LTBP1: variants seen among roughly 807,000 people sequenced by gnomAD.
The protein encoded by LTBP1 is latent-transforming growth factor beta-binding protein 1.
Under a neutral mutation model 207.6 loss-of-function variants are expected in LTBP1, and 129 were observed. The observed-to-expected ratio is 0.62, with a 90% confidence interval of 0.54 to 0.72. The LOEUF is 0.72. LTBP1 is among the 30% of genes least tolerant of loss of function. LTBP1 has a pLI of 0.00. For missense variants in LTBP1, 2,281 were observed against 2,217.2 expected, an observed-to-expected ratio of 1.03 and a Z score of -0.58; for synonymous variants, 963 against 833.7, an observed-to-expected ratio of 1.16 and a Z score of -2.67.
intron 2 of LTBP1, among the ~76,000 whole-genome samples, chr2:32,962,424 G>A (rs947660253): frequency 2.0e-5 from 3 of 152,206 alleles, no homozygotes; most frequent in Admixed American, 6.5e-5. Flanking sequence ...ATTAAAGGTA[G>A]AGACTGTTTT....
At chr2:33,011,107 C>T (rs748633139) in intron 2 of LTBP1, among the ~76,000 whole-genome samples, 4 of 152,084 alleles carry the variant, frequency 2.6e-5, no homozygotes, top group Non-Finnish European at 4.4e-5. Context: ...TATTTGCATA[C>T]AAAATTCCCT....
intron 2 of LTBP1, among the ~76,000 whole-genome samples, chr2:32,956,001 A>T (rs775942194): frequency 6.6e-6 from 1 of 152,214 alleles, no homozygotes; most frequent in Non-Finnish European, 1.5e-5. Context: ...TTTATATACT[A>T]TATTGTAGAC....
At chr2:33,376,827 C>G (rs1051465896) in intron 31 of LTBP1, among the ~76,000 whole-genome samples, 7 of 151,960 alleles carry the variant, frequency 4.6e-5, no homozygotes, top group African/African-American at 1.7e-4. Flanking sequence ...CTTTACTAAA[C>G]TGGGGAAGAG....
At position 33,001,093 on chromosome 2, in the gene LTBP1, C is replaced by T. The variant is rs998401206; in HGVS notation, c.566-19816C>T. ...ACGCTGACCTTTAGTCCCTGAGCTG[C>T]CTCATACCTGGCCCATGATGCTAAC... On this transcript the variant is annotated intron_variant, in intron 2 of 33. Transcript: ENST00000404816. 1.5e-5 allele frequency among the ~76,000 whole-genome samples: 2 copies of T among 134,750 alleles called. 1 individual carries two copies. Among genetic ancestry groups the T allele is most frequent in the East Asian group, 7.6e-4 (2 of 2,626 alleles). 88.4% of individuals were successfully genotyped at this position (134,750 alleles called of 152,430 possible).
intron 28 of LTBP1, among the ~76,000 whole-genome samples, chr2:33,362,157 C>T (rs764361521): frequency 6.6e-6 from 1 of 152,140 alleles, no homozygotes; most frequent in Non-Finnish European, 1.5e-5. Context: ...TTGACATTTT[C>T]ATGATAGAGA....
intron 22 of LTBP1, among the ~76,000 whole-genome samples, chr2:33,304,148 C>T (rs745354286): frequency 4.6e-5 from 7 of 152,122 alleles, no homozygotes; most frequent in Non-Finnish European, 1.0e-4. Context: ...GACTATGTTC[C>T]GTAAGAAAGC....
chr2:33,363,567 G>T, intron 29 of LTBP1, 49 bp downstream of exon 29: 1 of 1,549,572 alleles, frequency 6.5e-7, no homozygotes, highest in Non-Finnish European at 8.7e-7. Context: ...ATATACAGAT[G>T]GAAAAAATAA....
chr2:33,289,866 G>A (rs1485610004), intron 19 of LTBP1, among the ~76,000 whole-genome samples: 2 of 152,280 alleles, frequency 1.3e-5, no homozygotes, highest in East Asian at 1.9e-4. Flanking sequence ...CTGCTTCAGG[G>A]AAAAGGCAAC....
At chr2:33,173,371 A>C (rs1572973699) in intron 5 of LTBP1, among the ~76,000 whole-genome samples, 2 of 152,274 alleles carry the variant, frequency 1.3e-5, no homozygotes, top group East Asian at 3.9e-4. Flanking sequence ...AGAATACTAC[A>C]AACACCTCTA....
intron 31 of LTBP1, 151 bp downstream of exon 31, chr2:33,365,654 G>A (rs2094977418): frequency 5.7e-6 from 3 of 527,298 alleles, no homozygotes; most frequent in Admixed American, 3.9e-5. Context: ...TGTGTGTAGG[G>A]CAGAACTGCA....
chr2:33,290,064 G>A (rs543958809), intron 19 of LTBP1, among the ~76,000 whole-genome samples: 88 of 152,314 alleles, frequency 5.8e-4, no homozygotes, highest in African/African-American at 1.6e-3. Flanking sequence ...CTTGTGCTGC[G>A]TCTTAATATG....
chr2:33,070,866 G>A (rs754887653), intron 3 of LTBP1, among the ~76,000 whole-genome samples: 4 of 152,162 alleles, frequency 2.6e-5, no homozygotes, highest in Non-Finnish European at 5.9e-5. Flanking sequence ...AAAACTCCAC[G>A]TTGGCCACGG....
intron 8 of LTBP1, among the ~76,000 whole-genome samples, chr2:33,220,197 A>C (rs1431196390): frequency 6.6e-6 from 1 of 152,226 alleles, no homozygotes; most frequent in Non-Finnish European, 1.5e-5. Flanking sequence ...CCCAAGAAAC[A>C]CACTCAGGGT....
chr2:33,028,590 T>C (rs1297516344), intron 3 of LTBP1, among the ~76,000 whole-genome samples: 1 of 152,108 alleles, frequency 6.6e-6, no homozygotes, highest in Non-Finnish European at 1.5e-5. Context: ...AAGTCACTGA[T>C]TGGAATTAGC....
At chr2:33,060,549 G>A (rs1259641616) in intron 3 of LTBP1, among the ~76,000 whole-genome samples, 1 of 150,690 alleles carries the variant, frequency 6.6e-6, no homozygotes, top group Admixed American at 6.6e-5. Flanking sequence ...TGTGTGTTTG[G>A]GGGGGATGTG....
intron 2 of LTBP1, among the ~76,000 whole-genome samples, chr2:32,959,616 TATA>T (rs1171403625): frequency 6.1e-5 from 3 of 49,240 alleles, no homozygotes; most frequent in African/African-American, 1.1e-4. Flanking sequence ...TATATATATA[TATA>T]TATTTTTTTT....
intron 5 of LTBP1, among the ~76,000 whole-genome samples, chr2:33,149,231 A>AC (rs1558707333): frequency 3.7e-5 from 5 of 134,374 alleles, no homozygotes; most frequent in African/African-American, 8.2e-5. Context: ...AAAAAAACAA[A>AC]AAAAAAAAAA....
intron 32 of LTBP1, among the ~76,000 whole-genome samples, chr2:33,392,931 C>T (rs913387874): frequency 6.6e-6 from 1 of 151,358 alleles, no homozygotes; most frequent in Non-Finnish European, 1.5e-5. Flanking sequence ...TGGTCTTCAC[C>T]CCATGAGCTG....
chr2:33,167,258 G>C lies in LTBP1; in HGVS notation c.1202-19598G>C, dbSNP rs554534064. ...TGACTGCTGATTTAGGGCTAGGCAAGACAACATTAAAACTTTGGAAAGCAA... is the reference window on the plus strand; with the variant it reads ...TGACTGCTGATTTAGGGCTAGGCAACACAACATTAAAACTTTGGAAAGCAA... On this transcript the variant is annotated intron_variant, in intron 5 of 33. Coordinates refer to ENST00000404816, the MANE Select transcript of LTBP1 (RefSeq NM_206943.4). Among the ~76,000 whole-genome samples the C allele has an allele frequency of 4.0e-5, 6 of 150,780 alleles. No homozygotes were observed. The South Asian group carries it at 1.3e-3, about 32-fold the overall frequency.
Sources: allele counts gnomAD v4.1 joint callset (sites outside exome capture counted in the v4.1 genomes callset), GRCh38; gene constraint gnomAD v4.1.1; transcripts MANE v1.5; gene names NCBI Gene and HGNC (gene_info 2026-07-23, HGNC 2026-07-21).